The following ADGRA1 variants were observed in gnomAD, a reference collection of about 807,000 sequenced individuals.
The protein encoded by ADGRA1 is G-protein coupled receptor 123.
In ADGRA1, 12 loss-of-function variants were observed where a neutral mutation model predicts 21.3. That is an observed-to-expected ratio of 0.56 (90% CI 0.36 to 0.91). The LOEUF (loss-of-function observed/expected upper bound fraction) is 0.91. Ranked by LOEUF, ADGRA1 falls within the 40% of genes least tolerant of loss-of-function variation. The pLI, the probability that ADGRA1 is intolerant of heterozygous loss-of-function variation, is 0.01. For missense variants in ADGRA1, 790 were observed against 805.6 expected (o/e 0.98, Z 0.23); for synonymous variants, 385 against 368.8 (o/e 1.04, Z -0.50).
chr10:133,114,316 C>T (rs529922429), intron 5 of ADGRA1, among the ~76,000 whole-genome samples: 1 of 152,344 alleles, frequency 6.6e-6, no homozygotes, highest in African/African-American at 2.4e-5. Context: ...AACATAGGTG[C>T]TCTTCACAGC....
intron 2 of ADGRA1, chr10:133,092,993 G>A (rs190442780): frequency 4.1e-4 from 656 of 1,589,512 alleles, no homozygotes; most frequent in Non-Finnish European, 5.2e-4. Context: ...ACACCTCACC[G>A]TGCAGGAAAG....
At chr10:133,103,580 G>T (rs1339430094) in intron 5 of ADGRA1, among the ~76,000 whole-genome samples, 1 of 152,228 alleles carries the variant, frequency 6.6e-6, no homozygotes, top group Non-Finnish European at 1.5e-5. Flanking sequence ...TGCCTAGGGG[G>T]GCGGACACAG....
Position 133,130,799 on chromosome 10 carries a change from TGCATATC to T in ADGRA1, c.*1289_*1295del, listed in dbSNP as rs1253808057. On this transcript the variant is annotated 3_prime_UTR_variant, in exon 7 of 7. Transcript: ENST00000392607. ...CATATCACACACATGCACACAAACGTGCATATCACACACACGCACACACACCCAAACA... is the reference window on the plus strand; with the variant it reads ...CATATCACACACATGCACACAAACGTACACACACGCACACACACCCAAACA... 7.2e-6 allele frequency: 1 copy of T among 139,084 alleles called. No individual in the cohort carries two copies. The highest frequency in any genetic ancestry group is 1.6e-5 in the Non-Finnish European group (1 of 64,050). The allele number at this position is 139,084 out of a possible 1,614,324, so 8.6% of individuals were successfully genotyped here. A position where few individuals can be genotyped will look rare whatever the true frequency, so the allele number is the denominator to read the frequency against.
chr10:133,092,909 G>T, intron 2 of ADGRA1: 1 of 1,541,428 alleles, frequency 6.5e-7, no homozygotes, highest in Non-Finnish European at 8.7e-7. Context: ...GGAAGAAGGA[G>T]AAGGAGGACT....
chr10:133,125,408 A>T (rs1018843675), intron 5 of ADGRA1, among the ~76,000 whole-genome samples: 12 of 152,162 alleles, frequency 7.9e-5, no homozygotes, highest in African/African-American at 2.2e-4. Context: ...TTTTTAAAAA[A>T]TTTGTTTTAA....
intron 5 of ADGRA1, among the ~76,000 whole-genome samples, chr10:133,114,861 C>T (rs1394823878): frequency 6.6e-6 from 1 of 152,238 alleles, no homozygotes; most frequent in East Asian, 1.9e-4. Flanking sequence ...GCCCCTGCAC[C>T]ACCAATCCAG....
At chr10:133,102,559 C>G in intron 4 of ADGRA1, 138 bp from the exon 5 acceptor site, 2 of 1,015,190 alleles carry the variant, frequency 2.0e-6, no homozygotes, top group South Asian at 3.1e-5. Context: ...TGTGGGGCGG[C>G]CGCTGCCTGC....
In ADGRA1 at chr10:133,098,623, C is replaced by T; in HGVS notation, c.132-17C>T. 1 of 1,603,706 alleles carries T rather than the reference C, an allele frequency of 6.2e-7. No individual in the cohort carries two copies. On this transcript the variant is annotated splice_polypyrimidine_tract_variant and intron_variant, in intron 3 of 6. Coordinates refer to ENST00000392607, the MANE Select transcript of ADGRA1 (RefSeq NM_001083909.3). Reference sequence around the variant, plus strand: ...AGAGCCTCTGCTCATGTGAAACCCTCCTTTCCCGTCCCACAGCGCCATCCG... The same window carrying T: ...AGAGCCTCTGCTCATGTGAAACCCTTCTTTCCCGTCCCACAGCGCCATCCG...
intron 5 of ADGRA1, among the ~76,000 whole-genome samples, chr10:133,126,770 C>A (rs1335317732): frequency 3.3e-5 from 5 of 152,216 alleles, no homozygotes; most frequent in African/African-American, 1.2e-4. Context: ...CGACCTTCTT[C>A]CCCTGAGGCT....
chr10:133,109,158 C>G (rs1253248694), intron 5 of ADGRA1, among the ~76,000 whole-genome samples: 1 of 151,914 alleles, frequency 6.6e-6, no homozygotes, highest in East Asian at 1.9e-4. Flanking sequence ...CAGCACTGCT[C>G]TCCCAGCATT....
rs898193285 is a variant in ADGRA1, at chr10:133,129,143, C to A, written c.1315C>A (p.His439Asn). 6.4e-7 allele frequency: 1 copy of A among 1,554,984 alleles called. No homozygotes were observed. The highest frequency in any genetic ancestry group is 8.7e-7 in the Non-Finnish European group (1 of 1,149,332). The part of the protein sequence containing the change: ...HPAEEPEYAY[H>N]IPSSLDGSPR... ...AGCAGAGGAGCCCGAGTACGCCTAC[C>A]ACATCCCATCCAGCCTGGATGGCAG... The change falls in exon 7 of 7, where the codon CAC becomes AAC. Residue 439 changes from histidine (H) to asparagine (N), a missense_variant. Around this residue, in one of 3 missense-constraint regions of ADGRA1, gnomAD observed 391 missense variants for 351.5 expected, o/e 1.11. Transcript: ENST00000392607.
chr10:133,123,046 C>T (rs958882702), intron 5 of ADGRA1, among the ~76,000 whole-genome samples: 8 of 152,350 alleles, frequency 5.3e-5, no homozygotes, highest in East Asian at 1.9e-4. Context: ...GACCACGGGG[C>T]TTTATCCCTT....
chr10:133,130,642 G>GCACC lies in ADGRA1; in HGVS notation c.*1135_*1138dup, dbSNP rs574325682. 6.1e-5 allele frequency: 9 copies of GCACC among 147,030 alleles called. No individual in the cohort carries two copies. Among genetic ancestry groups the GCACC allele is most frequent in the African/African-American group, 1.0e-4 (4 of 38,884 alleles). The allele number at this position is 147,030 out of a possible 1,614,324, so 9.1% of individuals were successfully genotyped here. ...CTTCCTCCTTGTCTGTGACACATGT[G>GCACC]CACCCACACACACACACACAAACAC... On this transcript the variant is annotated 3_prime_UTR_variant, in exon 7 of 7. Coordinates refer to ENST00000392607, the MANE Select transcript of ADGRA1 (RefSeq NM_001083909.3).
At chr10:133,117,468 G>A (rs186720309) in intron 5 of ADGRA1, among the ~76,000 whole-genome samples, 1 of 152,276 alleles carries the variant, frequency 6.6e-6, no homozygotes, top group East Asian at 1.9e-4. Context: ...GGGAGGTCCG[G>A]TGCACTGTGG....
chr10:133,096,719 G>A (rs1851695743), intron 2 of ADGRA1, among the ~76,000 whole-genome samples: 1 of 152,218 alleles, frequency 6.6e-6, no homozygotes, highest in Non-Finnish European at 1.5e-5. Flanking sequence ...GGATGCCTTT[G>A]GCCAGCAGAG....
chr10:133,114,380 G>A (rs958617613), intron 5 of ADGRA1, among the ~76,000 whole-genome samples: 1 of 152,184 alleles, frequency 6.6e-6, no homozygotes, highest in Non-Finnish European at 1.5e-5. Context: ...GGACCAGAGC[G>A]GCGGTGCTAT....
Position 133,130,903 on chromosome 10 carries a change from AAC to A in ADGRA1, c.*1399_*1400del, listed in dbSNP as rs1487033945. The A allele has an allele frequency of 6.6e-6, 1 of 152,116 alleles. No homozygotes were observed. Among genetic ancestry groups the A allele is most frequent in the African/African-American group, 2.4e-5 (1 of 41,422 alleles). 9.4% of individuals were successfully genotyped at this position (152,116 alleles called of 1,614,324 possible). ...CACAAACACACGTGCACACATACTT[AAC>A]ACACACTTGCACCTGCTGTGCACAT... is the stretch of plus-strand genomic sequence containing the variant. On this transcript the variant is annotated 3_prime_UTR_variant, in exon 7 of 7. Coordinates refer to ENST00000392607, the MANE Select transcript of ADGRA1 (RefSeq NM_001083909.3).
At chr10:133,111,951 C>CCTGCTGG (rs1852030904) in intron 5 of ADGRA1, among the ~76,000 whole-genome samples, 3 of 55,468 alleles carry the variant, frequency 5.4e-5, no homozygotes, top group Admixed American at 1.7e-4. Flanking sequence ...CCCTCCTAAT[C>CCTGCTGG]CCTCCAGACC....
chr10:133,124,877 G>A (rs978551894), intron 5 of ADGRA1, among the ~76,000 whole-genome samples: 9 of 152,214 alleles, frequency 5.9e-5, no homozygotes, highest in South Asian at 4.1e-4. Flanking sequence ...CGTCCACGGC[G>A]GTGACTGCCC....
Sources: allele counts gnomAD v4.1 joint callset (sites outside exome capture counted in the v4.1 genomes callset), GRCh38; gene constraint gnomAD v4.1.1; regional missense constraint gnomAD v4.1.1; transcripts MANE v1.5; gene names NCBI Gene and HGNC (gene_info 2026-07-23, HGNC 2026-07-21).